Variants in HIVEP1 observed in about 807,000 individuals in gnomAD.
HIVEP1 encodes zinc finger protein 40.
HIVEP1 carries 36 observed loss-of-function variants against 180.0 expected under a neutral mutation model. The ratio of observed to expected loss-of-function variants is 0.20; its 90% CI spans 0.15 to 0.26. The LOEUF is 0.26. Among genes scored for constraint, HIVEP1 ranks in the 10% least tolerant of loss-of-function variants. The pLI is 1.00. For synonymous variants in HIVEP1, 1,239 were observed against 1,239.0 expected (o/e 1.00, Z 0.00); for missense variants, 3,143 against 3,268.7 (o/e 0.96, Z 0.94).
In HIVEP1 at chr6:12,163,273, T is replaced by C; in HGVS notation, c.6979-10T>C. ...CTGTCATAAAAGGATTGCTCTCTCT[T>C]GTCATTTAGAGCCCATCATCTGTAA... is the stretch of plus-strand genomic sequence containing the variant. On this transcript the variant is annotated splice_polypyrimidine_tract_variant and intron_variant, in intron 8 of 8. Transcript: ENST00000379388. The C allele has an allele frequency of 1.2e-6, 2 of 1,601,250 alleles. No individual in the cohort carries two copies. The highest frequency in any genetic ancestry group is 1.7e-6 in the Non-Finnish European group (2 of 1,170,284).
In HIVEP1 at chr6:12,124,323, T is replaced by A. The variant is rs1257340111; in HGVS notation, c.4528T>A (p.Cys1510Ser). 1 of 1,613,892 alleles carries A rather than the reference T, an allele frequency of 6.2e-7. No homozygotes were observed. The highest frequency in any genetic ancestry group is 1.1e-5 in the South Asian group (1 of 91,078). Residue 1510 changes from cysteine to serine, a missense_variant, in exon 4 of 9, where the codon TGT (cysteine) becomes AGT (serine). Coordinates refer to ENST00000379388, the MANE Select transcript of HIVEP1 (RefSeq NM_002114.4). ...STNVFPVQQL[C>S]DINLLNQIHA... The stretch of plus-strand genomic sequence containing the variant: ...CAACGTTTTTCCTGTTCAACAGCTC[T>A]GTGATATCAATTTGTTAAATCAAAT...
At chr6:12,097,529 C>G (rs1203430105) in intron 3 of HIVEP1, among the ~76,000 whole-genome samples, 6 of 152,160 alleles carry the variant, frequency 3.9e-5, no homozygotes, top group African/African-American at 1.4e-4. Flanking sequence ...AAAGTCATCT[C>G]CTTTTTTTAC....
chr6:12,139,364 C>T (rs965563495), intron 7 of HIVEP1, among the ~76,000 whole-genome samples: 3 of 152,156 alleles, frequency 2.0e-5, no homozygotes, highest in Non-Finnish European at 4.4e-5. Context: ...TAGGAGGATT[C>T]CATTCCAAGA....
At chr6:12,205,644 C>A in the HIVEP1 span, among the ~76,000 whole-genome samples, 3 of 152,144 alleles carry the variant, frequency 2.0e-5, no homozygotes, top group African/African-American at 4.8e-5. Flanking sequence ...TGTGTGACAA[C>A]CATACCTACC....
intron 2 of HIVEP1, among the ~76,000 whole-genome samples, chr6:12,082,914 T>C (rs1772880946): frequency 6.6e-6 from 1 of 152,186 alleles, no homozygotes; most frequent in Non-Finnish European, 1.5e-5. Context: ...TTCTGTATGA[T>C]TGGAACTTCG....
At chr6:12,044,981 G>C (rs1363137025) in intron 2 of HIVEP1, among the ~76,000 whole-genome samples, 1 of 152,240 alleles carries the variant, frequency 6.6e-6, no homozygotes, top group Non-Finnish European at 1.5e-5. Context: ...ATAGAGCTAA[G>C]TCAAATTTGC....
intron 3 of HIVEP1, among the ~76,000 whole-genome samples, chr6:12,098,277 T>C (rs1388144549): frequency 3.9e-5 from 6 of 152,200 alleles, no homozygotes; most frequent in Non-Finnish European, 8.8e-5. Context: ...GTATTTAAGG[T>C]AATGGCATAT....
chr6:12,058,048 G>A (rs1237424580), intron 2 of HIVEP1, among the ~76,000 whole-genome samples: 4 of 152,278 alleles, frequency 2.6e-5, no homozygotes, highest in East Asian at 3.9e-4. Flanking sequence ...CTAAACAGAT[G>A]TTTAGAGTAC....
intron 2 of HIVEP1, chr6:12,037,856 A>C: frequency 2.5e-6 from 1 of 407,630 alleles, no homozygotes; most frequent in Middle Eastern, 3.1e-4. Flanking sequence ...GACTACAGGC[A>C]CATGCCAGTG....
At chr6:12,048,687 C>T (rs973213432) in intron 2 of HIVEP1, among the ~76,000 whole-genome samples, 23 of 152,188 alleles carry the variant, frequency 1.5e-4, no homozygotes, top group Non-Finnish European at 2.6e-4. Context: ...GAGGCTAAAA[C>T]GAGATTGTCT....
chr6:12,158,085 G>C (rs1280907728), intron 7 of HIVEP1, among the ~76,000 whole-genome samples: 1 of 152,084 alleles, frequency 6.6e-6, no homozygotes, highest in African/African-American at 2.4e-5. Flanking sequence ...TTCTAACATA[G>C]GTGTCATATC....
chr6:12,119,842 G>T (rs1270147007), intron 3 of HIVEP1, 48 bp from the exon 4 acceptor site: 1 of 1,192,674 alleles, frequency 8.4e-7, no homozygotes, highest in Non-Finnish European at 1.2e-6. Context: ...TATAGTTGGT[G>T]TATGTACAAT....
chr6:12,169,979 G>T (rs1760854943), downstream of HIVEP1, among the ~76,000 whole-genome samples: 1 of 152,056 alleles, frequency 6.6e-6, no homozygotes, highest in African/African-American at 2.4e-5. Context: ...AAAGTAGCCG[G>T]GGGTGGTGGT....
chr6:12,193,409 T>C, the HIVEP1 span, among the ~76,000 whole-genome samples: 1 of 152,196 alleles, frequency 6.6e-6, no homozygotes, highest in Non-Finnish European at 1.5e-5. Flanking sequence ...CGATAAATAT[T>C]TTTAACACTA....
At chr6:12,065,246 T>G (rs1771494941) in intron 2 of HIVEP1, among the ~76,000 whole-genome samples, 1 of 152,186 alleles carries the variant, frequency 6.6e-6, no homozygotes, top group African/African-American at 2.4e-5. Flanking sequence ...TGTTGGGACC[T>G]GGGATAGGAG....
chr6:12,118,278 A>G (rs532722923), intron 3 of HIVEP1, among the ~76,000 whole-genome samples: 67 of 152,280 alleles, frequency 4.4e-4, no homozygotes, highest in Admixed American at 1.9e-3. Flanking sequence ...TTTATTCTCA[A>G]TAAGTAGTTA....
In HIVEP1 at chr6:12,125,165, T is replaced by C. The variant is rs1219160751; in HGVS notation, c.5370T>C (p.Ala1790=). 6.2e-7 allele frequency: 1 copy of C among 1,613,892 alleles called. No homozygotes were observed. Among genetic ancestry groups the C allele is most frequent in the Non-Finnish European group, 8.5e-7 (1 of 1,179,968 alleles). Residue 1790 remains alanine, a synonymous_variant, in exon 4 of 9, where the codon GCT becomes GCC. Coordinates refer to ENST00000379388, the MANE Select transcript of HIVEP1 (RefSeq NM_002114.4). Reference sequence around the variant, plus strand: ...CTTTGAGTTCGAGAGTTAATGAAGCTAGTAAACAGAAGAAGCCTATTTTAG... The same window carrying C: ...CTTTGAGTTCGAGAGTTAATGAAGCCAGTAAACAGAAGAAGCCTATTTTAG... ...LEALSSRVNE[A]SKQKKPILVR...
intron 2 of HIVEP1, among the ~76,000 whole-genome samples, chr6:12,078,014 C>T (rs953660464): frequency 2.0e-5 from 3 of 152,058 alleles, no homozygotes; most frequent in Admixed American, 6.6e-5. Context: ...ATTACCAATT[C>T]TGGAAAGGAT....
chr6:12,056,588 G>A (rs1264620912), intron 2 of HIVEP1, among the ~76,000 whole-genome samples: 3 of 152,092 alleles, frequency 2.0e-5, no homozygotes, highest in Non-Finnish European at 4.4e-5. Flanking sequence ...CATATCAGCT[G>A]CAAATAAAAT....
Sources: allele counts gnomAD v4.1 joint callset (sites outside exome capture counted in the v4.1 genomes callset), GRCh38; gene constraint gnomAD v4.1.1; transcripts MANE v1.5; gene names NCBI Gene and HGNC (gene_info 2026-07-23, HGNC 2026-07-21).